OSBPL6: variants seen among roughly 807,000 people sequenced by gnomAD.
OSBPL6 encodes the protein oxysterol binding protein like 6, also known as oxysterol-binding protein-related protein 6.
A neutral mutation model predicts 125.8 loss-of-function variants in OSBPL6; 49 were observed. The observed-to-expected ratio is 0.39, with a 90% CI of 0.31 to 0.49. OSBPL6 has a LOEUF of 0.49. Among genes scored for constraint, OSBPL6 ranks in the 20% least tolerant of loss-of-function variants. OSBPL6 has a pLI of 0.88. For synonymous variants in OSBPL6, 394 were observed against 391.8 expected (o/e 1.01, Z -0.07); for missense variants, 986 against 1,135.4 (o/e 0.87, Z 1.89).
chr2:178,377,267 C>T (rs113947979), intron 15 of OSBPL6, among the ~76,000 whole-genome samples: 389 of 152,338 alleles, frequency 2.6e-3, no homozygotes, highest in Middle Eastern at 6.8e-3. Flanking sequence ...CCTCACATGA[C>T]CAGAGCAGGA....
At chr2:178,197,491 C>T (rs564701484) in intron 1 of OSBPL6, among the ~76,000 whole-genome samples, 112 of 152,200 alleles carry the variant, frequency 7.4e-4, no homozygotes, top group Admixed American at 1.6e-3. Context: ...GGAGTATGTT[C>T]CAAGTTCCCT....
chr2:178,328,698 G>A (rs1688921980), intron 5 of OSBPL6, among the ~76,000 whole-genome samples: 1 of 152,086 alleles, frequency 6.6e-6, no homozygotes, highest in African/African-American at 2.4e-5. Context: ...CTGTTAGCCA[G>A]GCTGGTCTTG....
At chr2:178,247,062 G>A (rs1266774889) in intron 1 of OSBPL6, among the ~76,000 whole-genome samples, 2 of 128,356 alleles carry the variant, frequency 1.6e-5, no homozygotes, top group African/African-American at 6.2e-5. Flanking sequence ...TTTCCCAAAT[G>A]CCTTAAGCTT....
At chr2:178,309,460 C>T (rs901307116) in intron 3 of OSBPL6, among the ~76,000 whole-genome samples, 10 of 152,170 alleles carry the variant, frequency 6.6e-5, no homozygotes, top group African/African-American at 2.4e-4. Flanking sequence ...TTCTCTTCTT[C>T]CTTCCTCATG....
At chr2:178,305,894 A>AATCT (rs1686720461) in intron 2 of OSBPL6, 136 bp from the exon 3 acceptor site, 1 of 222,554 alleles carries the variant, frequency 4.5e-6, no homozygotes, top group African/African-American at 2.3e-5. Flanking sequence ...TCCGCCTTAA[A>AATCT]ATCTAGAGGA....
chr2:178,391,950 C>T (rs994008743), intron 22 of OSBPL6, among the ~76,000 whole-genome samples: 5 of 152,142 alleles, frequency 3.3e-5, no homozygotes, highest in African/African-American at 7.2e-5. Flanking sequence ...GCTCGGGATA[C>T]GTCAATGAGC....
intron 19 of OSBPL6, among the ~76,000 whole-genome samples, 186 bp from the exon 20 acceptor site, chr2:178,386,875 T>A (rs1694987063): frequency 6.6e-6 from 1 of 152,154 alleles, no homozygotes; most frequent in African/African-American, 2.4e-5. Flanking sequence ...TGTTTGTTTA[T>A]TTTTTGGTTC....
Position 178,284,965 on chromosome 2 carries a change from T to C in OSBPL6, c.-312T>C. The stretch of plus-strand genomic sequence containing the variant: ...CTGGGAAAACAGCAACAGAAGGATA[T>C]TAAGGAGCCACCCCTATAATTTACC... On this transcript the variant is annotated 5_prime_UTR_variant, in exon 2 of 25. Transcript: ENST00000190611. 1 of 398,442 alleles carries C rather than the reference T, an allele frequency of 2.5e-6. No individual in the cohort carries two copies. Among genetic ancestry groups the C allele is most frequent in the Non-Finnish European group, 4.4e-6 (1 of 225,942 alleles). The allele number at this position is 398,442 out of a possible 1,614,324, so 24.7% of individuals were successfully genotyped here. A position where few individuals can be genotyped will look rare whatever the true frequency, so the allele number is the denominator to read the frequency against.
intron 4 of OSBPL6, among the ~76,000 whole-genome samples, chr2:178,326,160 A>C (rs1688679922): frequency 6.7e-6 from 1 of 149,726 alleles, no homozygotes; most frequent in South Asian, 2.1e-4. Flanking sequence ...GATTTGTTCC[A>C]ATCCTAAGCT....
intron 5 of OSBPL6, among the ~76,000 whole-genome samples, chr2:178,329,264 C>A (rs76789577): frequency 0.048 from 7,375 of 152,214 alleles, 235 homozygotes; most frequent in South Asian, 0.15. Flanking sequence ...TCCTTCCTCC[C>A]AACATCCTTG....
chr2:178,286,635 G>T (rs1305784252), intron 2 of OSBPL6, among the ~76,000 whole-genome samples: 2 of 152,126 alleles, frequency 1.3e-5, no homozygotes, highest in Non-Finnish European at 2.9e-5. Flanking sequence ...GATGTGGAGG[G>T]TGTCATCTCA....
chr2:178,294,068 G>C (rs1685517524), intron 2 of OSBPL6, among the ~76,000 whole-genome samples: 1 of 152,050 alleles, frequency 6.6e-6, no homozygotes, highest in South Asian at 2.1e-4. Context: ...AAATCCATTT[G>C]AGTATTTTAT....
At position 178,363,107 on chromosome 2, in the gene OSBPL6, G is replaced by A. The variant is rs987081294; in HGVS notation, c.1287+1292G>A. On this transcript the variant is annotated intron_variant, in intron 13 of 24. Coordinates refer to ENST00000190611, the MANE Select transcript of OSBPL6 (RefSeq NM_032523.4). Reference sequence around the variant, plus strand: ...AAAATACATTCTTGTCCCCCTAAGTGTTGCAATGATTCCTTCAGATGTATT... The same window carrying A: ...AAAATACATTCTTGTCCCCCTAAGTATTGCAATGATTCCTTCAGATGTATT... Among the ~76,000 whole-genome samples, 7 of 152,182 alleles carry A rather than the reference G, an allele frequency of 4.6e-5. No homozygotes were observed. In the East Asian group the frequency reaches 7.7e-4, roughly 17 times the overall value.
intron 1 of OSBPL6, among the ~76,000 whole-genome samples, chr2:178,280,067 G>T (rs897597541): frequency 6.6e-6 from 1 of 151,970 alleles, no homozygotes; most frequent in Non-Finnish European, 1.5e-5. Flanking sequence ...GCATGGTGGC[G>T]CACACCTGTA....
In OSBPL6 at chr2:178,359,133, G is replaced by A. The variant is rs111789753; in HGVS notation, c.1154-2549G>A. Among the ~76,000 whole-genome samples, 6 of 152,034 alleles carry A rather than the reference G, an allele frequency of 3.9e-5. No homozygotes were observed. The East Asian group carries it at 5.8e-4, about 15-fold the overall frequency. ...AGAGGTTACAGTGAGCTATGATCAC[G>A]CCATTGCACTCCACAATAGACAACA... is the stretch of plus-strand genomic sequence containing the variant. On this transcript the variant is annotated intron_variant, in intron 12 of 24. Coordinates refer to ENST00000190611, the MANE Select transcript of OSBPL6 (RefSeq NM_032523.4).
At chr2:178,204,527 C>T (rs2089432913) in intron 1 of OSBPL6, among the ~76,000 whole-genome samples, 2 of 152,206 alleles carry the variant, frequency 1.3e-5, no homozygotes, top group Admixed American at 6.5e-5. Context: ...TTAGGACTCA[C>T]CTCACTCCTT....
rs749509996 is a variant in OSBPL6 at position 178,387,044 on chromosome 2, C to T, written c.2078-17C>T. The T allele has an allele frequency of 6.4e-7, 1 of 1,555,376 alleles. No individual in the cohort carries two copies. Among genetic ancestry groups the T allele is most frequent in the Non-Finnish European group, 8.9e-7 (1 of 1,128,054 alleles). On this transcript the variant is annotated splice_polypyrimidine_tract_variant and intron_variant, in intron 19 of 24. Coordinates refer to ENST00000190611, the MANE Select transcript of OSBPL6 (RefSeq NM_032523.4). ...ATATGGGGTATGTATTTCTTGTCCT[C>T]TCCCTATGTCATTTAGATATCAGAT...
chr2:178,272,675 T>G (rs2092395769), intron 1 of OSBPL6, among the ~76,000 whole-genome samples: 1 of 152,224 alleles, frequency 6.6e-6, no homozygotes, highest in Non-Finnish European at 1.5e-5. Context: ...TCATTGCATA[T>G]CTTTTTAACT....
chr2:178,219,826 G>C (rs2153968045), intron 1 of OSBPL6, among the ~76,000 whole-genome samples: 1 of 152,212 alleles, frequency 6.6e-6, no homozygotes, highest in South Asian at 2.1e-4. Flanking sequence ...GCTGAACTGT[G>C]GACAATAAAT....
Sources: allele counts gnomAD v4.1 joint callset (sites outside exome capture counted in the v4.1 genomes callset), GRCh38; gene constraint gnomAD v4.1.1; transcripts MANE v1.5; gene names NCBI Gene and HGNC (gene_info 2026-07-23, HGNC 2026-07-21).